Variants in PXDN observed in about 807,000 individuals in gnomAD.
The protein encoded by PXDN is peroxidasin.
A neutral mutation model predicts 140.3 loss-of-function variants in PXDN; 77 were observed. The observed-to-expected ratio is 0.55, with a 90% CI of 0.46 to 0.66. The LOEUF is 0.66. Among genes scored for constraint, PXDN ranks in the 30% least tolerant of loss-of-function variants. PXDN has a pLI of 0.00. For synonymous variants in PXDN, 911 were observed against 857.4 expected (o/e 1.06, Z -1.09); for missense variants, 1,838 against 2,039.5 (o/e 0.90, Z 1.90).
chr2:1,732,265 A>G (rs929365804), intron 1 of PXDN, among the ~76,000 whole-genome samples: 1 of 152,170 alleles, frequency 6.6e-6, no homozygotes, highest in Non-Finnish European at 1.5e-5. Context: ...ACCTGGCAGG[A>G]CAGAGATGGG....
At chr2:1,719,227 CA>C (rs1684962990) in intron 1 of PXDN, among the ~76,000 whole-genome samples, 1 of 152,172 alleles carries the variant, frequency 6.6e-6, no homozygotes, top group Admixed American at 6.5e-5. Flanking sequence ...CCAGGGGAGG[CA>C]GCCACCCACC....
At chr2:1,712,634 G>T (rs1684809873) in intron 1 of PXDN, among the ~76,000 whole-genome samples, 1 of 152,226 alleles carries the variant, frequency 6.6e-6, no homozygotes, top group Non-Finnish European at 1.5e-5. Flanking sequence ...GTCACACATG[G>T]CGGCCTTGTG....
At chr2:1,684,983 A>C (rs557470457) in intron 4 of PXDN, among the ~76,000 whole-genome samples, 1 of 152,330 alleles carries the variant, frequency 6.6e-6, no homozygotes, top group Middle Eastern at 3.4e-3. Flanking sequence ...GGAGGCCAAA[A>C]TGAGCAAAGA....
At chr2:1,703,160 G>A (rs113816320) in intron 1 of PXDN, among the ~76,000 whole-genome samples, 1,632 of 27,026 alleles carry the variant, frequency 0.06, 394 homozygotes, top group African/African-American at 0.31. Context: ...AGGTGAAGGA[G>A]GGACAACTCC....
At chr2:1,684,003 T>A in intron 5 of PXDN, 77 bp downstream of exon 5, 1 of 1,343,082 alleles carries the variant, frequency 7.4e-7, no homozygotes, top group African/African-American at 1.5e-5. Flanking sequence ...TGGTAGATAT[T>A]GACCTTAATC....
chr2:1,675,072 C>G (rs148084419), intron 8 of PXDN, among the ~76,000 whole-genome samples: 1 of 152,312 alleles, frequency 6.6e-6, no homozygotes, highest in Non-Finnish European at 1.5e-5. Context: ...ACCAATCCCC[C>G]AACTTGCAAT....
In PXDN at chr2:1,663,650, T is replaced by C. The variant is rs759633098; in HGVS notation, c.1522A>G (p.Ile508Val). The C allele has an allele frequency of 8.1e-6, 13 of 1,613,896 alleles. No individual in the cohort carries two copies. Among genetic ancestry groups the C allele is most frequent in the Non-Finnish European group, 5.9e-6 (7 of 1,179,912 alleles). ...GQYECQAVNI[I>V]GSQKVVAHLT... is the part of the protein sequence containing the mutation. ...TGGGCCACGACCTTCTGGGAGCCGA[T>C]GATGTTGACAGCCTGGCATTCGTAC... The change falls in exon 12 of 23, where the codon ATC becomes GTC. Residue 508 changes from isoleucine to valine, a missense_variant. Physicochemically the swap from Ile to Val is conservative, Grantham distance 29. Around this residue, in one of 5 missense-constraint regions of PXDN, gnomAD observed 537 missense variants for 583.9 expected, o/e 0.92. Coordinates refer to ENST00000252804, the MANE Select transcript of PXDN (RefSeq NM_012293.3).
chr2:1,673,767 G>A lies in PXDN; in HGVS notation c.894C>T (p.Asp298=), dbSNP rs754304645. The change falls in exon 9 of 23, where the codon GAC becomes GAT. Residue 298 remains aspartate, a synonymous_variant. Coordinates refer to ENST00000252804, the MANE Select transcript of PXDN (RefSeq NM_012293.3). ...TGTTCTGGATCATCAGGGTCCCATC[G>A]TCCAGCAAGTTTAGGCGGGAATCTG... The part of the protein sequence containing the change: ...MKTDSRLNLL[D]DGTLMIQNTQ... The A allele has an allele frequency of 2.5e-5, 41 of 1,613,834 alleles. No individual in the cohort carries two copies. The highest frequency in any genetic ancestry group is 8.0e-5 in the African/African-American group (6 of 74,916).
intron 1 of PXDN, among the ~76,000 whole-genome samples, chr2:1,698,745 A>G (rs1684353664): frequency 6.6e-6 from 1 of 152,152 alleles, no homozygotes; most frequent in South Asian, 2.1e-4. Flanking sequence ...AGTTCTCCCA[A>G]GTGTTAGAGC....
chr2:1,721,558 C>T (rs931640262), intron 1 of PXDN, among the ~76,000 whole-genome samples: 6 of 152,280 alleles, frequency 3.9e-5, no homozygotes, highest in African/African-American at 1.2e-4. Context: ...TCAAATTGGC[C>T]GGGTGCGGTG....
chr2:1,718,019 C>T (rs546971480), intron 1 of PXDN, among the ~76,000 whole-genome samples: 106 of 151,366 alleles, frequency 7.0e-4, no homozygotes, highest in African/African-American at 2.3e-3. Context: ...ACCCACTAAC[C>T]GACCACCCAA....
intron 22 of PXDN, 139 bp from the exon 23 acceptor site, chr2:1,634,462 T>C: frequency 8.7e-7 from 1 of 1,148,034 alleles, no homozygotes. Flanking sequence ...CCCGCTGTAC[T>C]TGCCCTGTGG....
chr2:1,678,720 G>A (rs902521789), intron 7 of PXDN, among the ~76,000 whole-genome samples: 7 of 152,208 alleles, frequency 4.6e-5, no homozygotes, highest in African/African-American at 1.2e-4. Context: ...CCTGAGCACC[G>A]AGGGCCCTCC....
At chr2:1,678,880 C>A (rs1251117209) in intron 7 of PXDN, among the ~76,000 whole-genome samples, 1 of 152,220 alleles carries the variant, frequency 6.6e-6, no homozygotes, top group Non-Finnish European at 1.5e-5. Flanking sequence ...CTGGGCCTCT[C>A]TTGCTCCCCA....
chr2:1,744,549 CGCGGGGG>C (rs1278613609), upstream of PXDN: 22 of 1,084,052 alleles, frequency 2.0e-5, no homozygotes, highest in South Asian at 2.9e-4. Context: ...CCCAGCTGTG[CGCGGGGG>C]GCGGGGGGCG....
chr2:1,684,313 T>C (rs1269000451), intron 4 of PXDN, among the ~76,000 whole-genome samples, 162 bp from the exon 5 acceptor site: 4 of 152,164 alleles, frequency 2.6e-5, no homozygotes, highest in African/African-American at 9.7e-5. Context: ...AATTATCAAA[T>C]GATTCAATAA....
Position 1,651,127 on chromosome 2 carries a change from C to G in PXDN, c.2105-1452G>C, listed in dbSNP as rs953836098. On this transcript the variant is annotated intron_variant, in intron 16 of 22. Coordinates refer to ENST00000252804, the MANE Select transcript of PXDN (RefSeq NM_012293.3). The surrounding 1 kb of genome is among the most constrained non-coding windows in gnomAD (Gnocchi z 4.4). Reference sequence around the variant, plus strand: ...CAGAGGCTGAAACAGTGAGCTGAAACATCTGGCCCTATTTTCACAGCTACT... The same window carrying G: ...CAGAGGCTGAAACAGTGAGCTGAAAGATCTGGCCCTATTTTCACAGCTACT... Among the ~76,000 whole-genome samples, 3 of 152,132 alleles carry G rather than the reference C, an allele frequency of 2.0e-5. No individual in the cohort carries two copies. The highest frequency in any genetic ancestry group is 7.2e-5 in the African/African-American group (3 of 41,434).
At chr2:1,686,673 C>T (rs1376137288) in intron 4 of PXDN, among the ~76,000 whole-genome samples, 1 of 152,166 alleles carries the variant, frequency 6.6e-6, no homozygotes, top group East Asian at 1.9e-4. Flanking sequence ...TAGAGACAGA[C>T]CTCCTCCCAA....
Position 1,744,302 on chromosome 2 carries a change from G to T in PXDN, c.154C>A (p.Leu52Met), listed in dbSNP as rs757115508. The T allele has an allele frequency of 6.6e-7, 1 of 1,525,978 alleles. No homozygotes were observed. The highest frequency in any genetic ancestry group is 1.2e-5 in the South Asian group (1 of 82,960). The allele number at this position is 1,525,978 out of a possible 1,614,324, so 94.5% of individuals were successfully genotyped here. ...CFRTTVRCMHLLLEAVPAVAP... is the reference protein window; with the variant it reads ...CFRTTVRCMHMLLEAVPAVAP... Reference sequence around the variant, plus strand: ...ACGGCGGGCACGGCCTCCAGCAGCAGATGCATGCAGCGCACGGTGGTGCGG... The same window carrying T: ...ACGGCGGGCACGGCCTCCAGCAGCATATGCATGCAGCGCACGGTGGTGCGG... Residue 52 changes from leucine to methionine, a missense_variant, in exon 1 of 23, where the codon CTG (leucine) becomes ATG (methionine). By Grantham distance (15) the Leu-to-Met change is conservative. Coordinates refer to ENST00000252804, the MANE Select transcript of PXDN (RefSeq NM_012293.3).
Sources: gnomAD v4.1 joint callset for allele counts (sites outside exome capture counted in the v4.1 genomes callset) on GRCh38, gnomAD v4.1.1 for gene constraint, gnomAD v4.1.1 regional missense constraint, Gnocchi (gnomAD v3.1) non-coding constraint, MANE v1.5 for transcripts, NCBI Gene and HGNC (gene_info 2026-07-23, HGNC 2026-07-21) for gene names.